EYA3: variants seen among roughly 807,000 people sequenced by gnomAD.
The protein encoded by EYA3 is EYA transcriptional coactivator and phosphatase 3, also known as protein phosphatase EYA3.
Under a neutral mutation model 80.0 loss-of-function variants are expected in EYA3, and 39 were observed. The observed-to-expected ratio is 0.49, with a 90% confidence interval of 0.38 to 0.64. The LOEUF (loss-of-function observed/expected upper bound fraction) is 0.64. Among genes scored for constraint, EYA3 ranks in the 30% least tolerant of loss-of-function variants. The pLI is 0.00. For synonymous variants in EYA3, 206 were observed against 232.8 expected (o/e 0.88, Z 1.05); for missense variants, 523 against 676.1 (o/e 0.77, Z 2.51).
At chr1:28,064,474 A>G (rs141215037) in intron 1 of EYA3, among the ~76,000 whole-genome samples, 1,574 of 151,276 alleles carry the variant, frequency 0.01, 30 homozygotes, top group African/African-American at 0.035. Flanking sequence ...TCCAATACCT[A>G]CAAATTTCTT....
At chr1:28,081,446 T>A (rs2148955895) in intron 1 of EYA3, among the ~76,000 whole-genome samples, 1 of 152,314 alleles carries the variant, frequency 6.6e-6, no homozygotes, top group Admixed American at 6.5e-5. Flanking sequence ...CATTTTTAAA[T>A]TTAAAAGAGA....
chr1:28,063,314 TA>T lies in EYA3; in HGVS notation c.-68-5221del, dbSNP rs1392473821. 6.3e-3 allele frequency among the ~76,000 whole-genome samples: 936 copies of T among 149,188 alleles called. 12 individuals carry two copies. Among genetic ancestry groups the T allele is most frequent in the African/African-American group, 0.022 (877 of 40,476 alleles). On this transcript the variant is annotated intron_variant, in intron 1 of 17. Coordinates refer to ENST00000373871, the MANE Select transcript of EYA3 (RefSeq NM_001990.4). ...CCTTATATATATATATATTTTTTTTTATTTTTAATTTTTTTTGGGGGGGGAA... is the reference window on the plus strand; with the variant it reads ...CCTTATATATATATATATTTTTTTTTTTTTTAATTTTTTTTGGGGGGGGAA...
At chr1:27,978,341 A>C (rs1382530366) in intron 17 of EYA3, 33 bp downstream of exon 17, 1 of 1,505,120 alleles carries the variant, frequency 6.6e-7, no homozygotes, top group South Asian at 1.1e-5. Context: ...TCGATGTACA[A>C]CCACATAGAC....
At chr1:27,981,633 T>C (rs1639307494) in intron 16 of EYA3, among the ~76,000 whole-genome samples, 1 of 151,844 alleles carries the variant, frequency 6.6e-6, no homozygotes, top group African/African-American at 2.4e-5. Flanking sequence ...TAGGAAAAGT[T>C]AGGCATGGCG....
intron 1 of EYA3, among the ~76,000 whole-genome samples, chr1:28,068,893 G>A (rs113359330): frequency 0.015 from 2,245 of 151,888 alleles, 55 homozygotes; most frequent in Admixed American, 0.072. Flanking sequence ...TGCAACCTCC[G>A]CCTCCTGGGT....
chr1:28,084,120 TA>T (rs1645529076), intron 1 of EYA3, among the ~76,000 whole-genome samples: 1 of 152,208 alleles, frequency 6.6e-6, no homozygotes, highest in African/African-American at 2.4e-5. Flanking sequence ...TGGCACTATT[TA>T]AACTACACAT....
intron 10 of EYA3, among the ~76,000 whole-genome samples, chr1:28,006,113 A>T (rs1641252426): frequency 1.3e-5 from 2 of 152,298 alleles, no homozygotes; most frequent in South Asian, 4.1e-4. Flanking sequence ...TCAAAAAAAA[A>T]AAAAGAATTA....
chr1:28,085,402 T>C (rs1645613255), intron 1 of EYA3, among the ~76,000 whole-genome samples: 1 of 152,166 alleles, frequency 6.6e-6, no homozygotes. Context: ...TGAGCCGAGA[T>C]CGTGCCACTG....
At chr1:27,993,294 G>T in intron 14 of EYA3, 106 bp downstream of exon 14, 1 of 1,193,308 alleles carries the variant, frequency 8.4e-7, no homozygotes, top group Non-Finnish European at 1.2e-6. Context: ...TATAACTGTG[G>T]CATAATTTAT....
intron 4 of EYA3, among the ~76,000 whole-genome samples, chr1:28,041,627 A>G (rs1643786996): frequency 6.6e-6 from 1 of 152,044 alleles, no homozygotes; most frequent in South Asian, 2.1e-4. Context: ...AAGGTAGGGG[A>G]AGGTATAGAT....
intron 7 of EYA3, among the ~76,000 whole-genome samples, chr1:28,023,658 G>C (rs977205251): frequency 6.6e-6 from 1 of 152,140 alleles, no homozygotes; most frequent in African/African-American, 2.4e-5. Flanking sequence ...GGAAAAGCCT[G>C]AGAAACTACA....
At chr1:27,978,043 A>G (rs529268990) in intron 17 of EYA3, among the ~76,000 whole-genome samples, 1 of 152,158 alleles carries the variant, frequency 6.6e-6, no homozygotes, top group African/African-American at 2.4e-5. Context: ...GCCTTTTTGC[A>G]GTCAAGTCTG....
intron 16 of EYA3, among the ~76,000 whole-genome samples, chr1:27,984,029 C>G (rs1199738294): frequency 6.6e-6 from 1 of 151,974 alleles, no homozygotes; most frequent in Non-Finnish European, 1.5e-5. Context: ...GTGGGCTTGT[C>G]TTGTTACCTT....
chr1:28,047,778 A>G (rs1644076028), intron 3 of EYA3, among the ~76,000 whole-genome samples: 2 of 151,792 alleles, frequency 1.3e-5, no homozygotes, highest in African/African-American at 4.8e-5. Context: ...AGCTGGGACC[A>G]CAGGCGCCCG....
chr1:27,997,213 C>G (rs998990581), intron 13 of EYA3, 107 bp downstream of exon 13: 4 of 1,018,434 alleles, frequency 3.9e-6, no homozygotes, highest in Non-Finnish European at 6.2e-6. Flanking sequence ...AGGTTGTGAG[C>G]TCTTTCAGAG....
chr1:28,006,934 C>CTTTTTTTTTT (rs58401673), intron 10 of EYA3, among the ~76,000 whole-genome samples: 8 of 91,998 alleles, frequency 8.7e-5, no homozygotes, highest in African/African-American at 3.1e-4. Context: ...ATGACATAAT[C>CTTTTTTTTTT]TTTTTTTTTT....
intron 7 of EYA3, among the ~76,000 whole-genome samples, chr1:28,025,267 A>C (rs1483605397): frequency 6.6e-6 from 1 of 152,190 alleles, no homozygotes; most frequent in Non-Finnish European, 1.5e-5. Flanking sequence ...CTTAATTTCT[A>C]CCCTGTGCTA....
chr1:28,033,478 A>C (rs1038415599), intron 6 of EYA3, among the ~76,000 whole-genome samples: 2 of 152,136 alleles, frequency 1.3e-5, no homozygotes, highest in African/African-American at 4.8e-5. Flanking sequence ...CTGATAGAAG[A>C]AATTGGGAAA....
chr1:28,062,212 T>C (rs372959270), intron 1 of EYA3, among the ~76,000 whole-genome samples: 7 of 152,310 alleles, frequency 4.6e-5, no homozygotes, highest in South Asian at 4.1e-4. Flanking sequence ...TTTTTGGAAA[T>C]AGAGCTTGTC....
Sources: gnomAD v4.1 joint callset for allele counts (sites outside exome capture counted in the v4.1 genomes callset) on GRCh38, gnomAD v4.1.1 for gene constraint, MANE v1.5 for transcripts, NCBI Gene and HGNC (gene_info 2026-07-23, HGNC 2026-07-21) for gene names.